Variants in TRANK1 observed in about 807,000 individuals in gnomAD.
TRANK1 encodes tetratricopeptide repeat and ankyrin repeat containing 1.
A neutral mutation model predicts 266.0 loss-of-function variants in TRANK1; 198 were observed. The ratio of observed to expected loss-of-function variants is 0.74; its 90% CI spans 0.66 to 0.84. TRANK1 has a LOEUF of 0.84. Among genes scored for constraint, TRANK1 ranks in the 40% least tolerant of loss-of-function variants. The pLI is 0.00. For missense variants in TRANK1, 3,326 were observed against 3,634.6 expected (o/e 0.92, Z 2.18); for synonymous variants, 1,396 against 1,384.1 (o/e 1.01, Z -0.19).
intron 1 of TRANK1, among the ~76,000 whole-genome samples, chr3:36,912,711 G>C (rs982277368): frequency 6.6e-6 from 1 of 152,112 alleles, no homozygotes; most frequent in Non-Finnish European, 1.5e-5. Flanking sequence ...TTGTGTATAC[G>C]TATACACATG....
chr3:36,856,861 G>C lies in TRANK1; in HGVS notation c.2861C>G (p.Ser954Cys), dbSNP rs2079062678. ...IVLDHCKLADSIKAICNAYNR... is the reference protein window; with the variant it reads ...IVLDHCKLADCIKAICNAYNR... ...GTAGGCATTGCAGATGGCCTTGATG[G>C]AATCAGCCAGTTTGCAGTGATCTAA... The change falls in exon 13 of 24, where the codon TCC (serine) becomes TGC (cysteine). Residue 954 changes from serine (S) to cysteine (C), a missense_variant. Physicochemically the swap from Ser to Cys is moderately radical, Grantham distance 112. Coordinates refer to ENST00000645898, the MANE Select transcript of TRANK1 (RefSeq NM_001329998.2). 1 of 1,613,898 alleles carries C rather than the reference G, an allele frequency of 6.2e-7. No individual in the cohort carries two copies. Among genetic ancestry groups the C allele is most frequent in the East Asian group, 2.2e-5 (1 of 44,900 alleles).
intron 10 of TRANK1, among the ~76,000 whole-genome samples, chr3:36,862,528 C>T (rs1482680035): frequency 6.6e-6 from 1 of 151,940 alleles, no homozygotes; most frequent in African/African-American, 2.4e-5. Flanking sequence ...TGGTATCAGC[C>T]CTCTCCCACC....
In TRANK1 at chr3:36,900,861, A is replaced by AAAAAAAAAAAAAAAAAAAC. The variant is rs2079867766; in HGVS notation, c.283-1603_283-1602insGTTTTTTTTTTTTTTTTTT. Among the ~76,000 whole-genome samples the AAAAAAAAAAAAAAAAAAAC allele has an allele frequency of 2.1e-5, 3 of 145,110 alleles. 1 individual carries two copies. Among genetic ancestry groups the AAAAAAAAAAAAAAAAAAAC allele is most frequent in the African/African-American group, 5.0e-5 (2 of 39,832 alleles). Reference sequence around the variant, plus strand: ...AGCAAGACCCTGTCTCAAAAAAAAAAAAAAAAAAAAAAAAAGATAACAGGT... The same window carrying AAAAAAAAAAAAAAAAAAAC: ...AGCAAGACCCTGTCTCAAAAAAAAAAAAAAAAAAAAAAAAAAAACAAAAAAAAAAAAAAAGATAACAGGT... On this transcript the variant is annotated intron_variant, in intron 3 of 23. Coordinates refer to ENST00000645898, the MANE Select transcript of TRANK1 (RefSeq NM_001329998.2).
In TRANK1 at chr3:36,908,330, G is replaced by A. The variant is rs2080003325; in HGVS notation, c.148C>T (p.Gln50Ter). Residue 50 changes from glutamine to a stop codon, truncating the protein, a stop_gained, in exon 2 of 24, where the codon CAG becomes TAG. Transcript: ENST00000645898. LOFTEE classifies it high-confidence loss of function. ...EAIQILLQLY[Q>*]WGVPPRDLAV... The stretch of plus-strand genomic sequence containing the variant: ...GAAAATGCAAACACTTACCCCCACT[G>A]GTATAACTGCAGGAGAATCTGGATG... 1.6e-6 allele frequency: 2 copies of A among 1,232,222 alleles called. No homozygotes were observed. The highest frequency in any genetic ancestry group is 2.0e-6 in the Non-Finnish European group (2 of 987,986). 76.3% of individuals were successfully genotyped at this position (1,232,222 alleles called of 1,614,324 possible). A position where few individuals can be genotyped will look rare whatever the true frequency, so the allele number is the denominator to read the frequency against.
At position 36,935,437 on chromosome 3, in the gene TRANK1, C is replaced by A. The variant is rs539935983; in HGVS notation, c.23+9350G>T. Among the ~76,000 whole-genome samples, 4 of 144,824 alleles carry A rather than the reference C, an allele frequency of 2.8e-5. No individual in the cohort carries two copies. In the East Asian group the frequency reaches 8.3e-4, roughly 30 times the overall value. Reference sequence around the variant, plus strand: ...GTTTTACTGCTTTCCCTAGAAGATGCCTGAATTCTTTTTTTTTTTTTTTTT... The same window carrying A: ...GTTTTACTGCTTTCCCTAGAAGATGACTGAATTCTTTTTTTTTTTTTTTTT... On this transcript the variant is annotated intron_variant, in intron 1 of 23. Transcript: ENST00000645898.
At chr3:36,851,552 C>A (rs759805440) in intron 15 of TRANK1, 167 bp downstream of exon 15, 5 of 1,211,540 alleles carry the variant, frequency 4.1e-6, no homozygotes, top group Admixed American at 3.4e-5. Flanking sequence ...AATGTCAAAA[C>A]CCACATCTAA....
chr3:36,922,780 GA>G (rs531701807), intron 1 of TRANK1, among the ~76,000 whole-genome samples: 1,854 of 110,024 alleles, frequency 0.017, 28 homozygotes, highest in African/African-American at 0.045. Flanking sequence ...TGTCTCAAAA[GA>G]AAAAAAAAAA....
rs2078716087 is a variant in TRANK1, at chr3:36,832,857, G to C, written c.6726C>G (p.Phe2242Leu). The C allele has an allele frequency of 1.2e-6, 2 of 1,613,960 alleles. No individual in the cohort carries two copies. The highest frequency in any genetic ancestry group is 1.7e-6 in the Non-Finnish European group (2 of 1,179,870). The change falls in exon 22 of 24, where the codon TTC becomes TTG. Residue 2242 changes from phenylalanine (F) to leucine (L), a missense_variant. By Grantham distance (22) the Phe-to-Leu change is conservative (BLOSUM62 0). Coordinates refer to ENST00000645898, the MANE Select transcript of TRANK1 (RefSeq NM_001329998.2). ...TAAGTTCTTCTGCTAAGATTTTAGG[G>C]AATACTTTTTTGGCTTCCAAAAGCA... ...NGLLLEAKKV[F>L]PKILAEELKE...
Position 36,908,238 on chromosome 3 carries a change from AATG to A in TRANK1, c.155+82_155+84del, listed in dbSNP as rs1424448516. On this transcript the variant is annotated intron_variant, in intron 2 of 23. Coordinates refer to ENST00000645898, the MANE Select transcript of TRANK1 (RefSeq NM_001329998.2). ...AATAAAGAAAACAGAAACAGGGTGG[AATG>A]ATAAGAAATGAAAAGAAATCATAAG... is the stretch of plus-strand genomic sequence containing the variant. 8.2e-6 allele frequency: 10 copies of A among 1,218,488 alleles called. No homozygotes were observed. The Admixed American group carries it at 1.7e-4, about 21-fold the overall frequency. 75.5% of individuals were successfully genotyped at this position (1,218,488 alleles called of 1,614,324 possible).
intron 1 of TRANK1, among the ~76,000 whole-genome samples, chr3:36,929,072 A>G (rs576356892): frequency 6.6e-6 from 1 of 152,316 alleles, no homozygotes; most frequent in African/African-American, 2.4e-5. Context: ...AGTAAATCAA[A>G]TAAAACAAAT....
intron 8 of TRANK1, among the ~76,000 whole-genome samples, chr3:36,878,861 G>T (rs903269171): frequency 1.2e-4 from 18 of 151,476 alleles, no homozygotes; most frequent in African/African-American, 4.4e-4. Context: ...TAATTAAAAC[G>T]TACTAGGATT....
intron 5 of TRANK1, among the ~76,000 whole-genome samples, chr3:36,895,437 C>T (rs2079774640): frequency 1.3e-5 from 2 of 152,166 alleles, no homozygotes; most frequent in African/African-American, 2.4e-5. Flanking sequence ...CAGATCTAAG[C>T]GTTTTTCCCA....
chr3:36,936,589 C>T lies in TRANK1; in HGVS notation c.23+8198G>A, dbSNP rs976503374. On this transcript the variant is annotated intron_variant, in intron 1 of 23. Coordinates refer to ENST00000645898, the MANE Select transcript of TRANK1 (RefSeq NM_001329998.2). ...ACTTTTTTAAAAAGTACCAACTACG[C>T]CCCAATAATTTCACAAAAGGAGGAA... 3.9e-5 allele frequency among the ~76,000 whole-genome samples: 6 copies of T among 152,084 alleles called. No homozygotes were observed. The East Asian group carries it at 9.6e-4, about 24-fold the overall frequency.
Position 36,903,212 on chromosome 3 carries a change from C to T in TRANK1, c.219G>A (p.Gly73=), listed in dbSNP as rs2125624381. Residue 73 remains glycine (G), a synonymous_variant, in exon 3 of 24, where the codon GGG becomes GGA. Transcript: ENST00000645898. ...CAGCAACAAATGCCTCATTCCACTTCCCAAGGCTGAAAAATGCATTTGATT... is the reference window on the plus strand; with the variant it reads ...CAGCAACAAATGCCTCATTCCACTTTCCAAGGCTGAAAAATGCATTTGATT... ...CNKSNAFFSL[G]KWNEAFVAAK... The T allele has an allele frequency of 6.5e-7, 1 of 1,537,366 alleles. No homozygotes were observed. The highest frequency in any genetic ancestry group is 8.7e-7 in the Non-Finnish European group (1 of 1,146,942).
At chr3:36,894,447 C>T (rs1372221207) in intron 5 of TRANK1, among the ~76,000 whole-genome samples, 1 of 152,170 alleles carries the variant, frequency 6.6e-6, no homozygotes, top group Non-Finnish European at 1.5e-5. Context: ...CTACCTTATC[C>T]CAGGAGAAAA....
chr3:36,873,326 A>C (rs1373389475), intron 9 of TRANK1, among the ~76,000 whole-genome samples: 2 of 152,216 alleles, frequency 1.3e-5, no homozygotes, highest in Admixed American at 6.5e-5. Context: ...TCAAGGAGGA[A>C]ATCTATGTGG....
chr3:36,859,362 T>C (rs754162251), intron 11 of TRANK1, among the ~76,000 whole-genome samples: 9 of 152,000 alleles, frequency 5.9e-5, no homozygotes, highest in African/African-American at 2.2e-4. Context: ...GGTGGTTTGC[T>C]GCACCCATCA....
At chr3:36,944,720 C>A (rs2080548164) in intron 1 of TRANK1, 67 bp downstream of exon 1, 1 of 1,492,686 alleles carries the variant, frequency 6.7e-7, no homozygotes, top group Non-Finnish European at 8.9e-7. Flanking sequence ...GCGGCCGCCT[C>A]CCGCCAGGAA....
rs1318480924 is a variant in TRANK1, at chr3:36,832,599, G to A, written c.6984C>T (p.Asp2328=). 1 of 1,614,016 alleles carries A rather than the reference G, an allele frequency of 6.2e-7. No individual in the cohort carries two copies. The highest frequency in any genetic ancestry group is 2.2e-5 in the East Asian group (1 of 44,868). ...ESARNRREST[D]LWLSAMQAFL... ...AAGCTTGCATGGCACTCAGCCACAG[G>A]TCTGTGGATTCCCGGCGGTTGCGTG... is the stretch of plus-strand genomic sequence containing the variant. Residue 2328 remains aspartate (D), a synonymous_variant, in exon 22 of 24, where the codon GAC becomes GAT. Coordinates refer to ENST00000645898, the MANE Select transcript of TRANK1 (RefSeq NM_001329998.2).
Sources: allele counts gnomAD v4.1 joint callset (sites outside exome capture counted in the v4.1 genomes callset), GRCh38; gene constraint gnomAD v4.1.1; transcripts MANE v1.5; gene names NCBI Gene and HGNC (gene_info 2026-07-23, HGNC 2026-07-21).